The following GNG4 variants were observed in gnomAD, a reference collection of about 807,000 sequenced individuals.
GNG4 encodes guanine nucleotide-binding protein G(I)/G(S)/G(O) subunit gamma-4.
A neutral mutation model predicts 5.8 loss-of-function variants in GNG4; 4 were observed. The observed-to-expected ratio is 0.69, with a 90% CI of 0.34 to 1.57. The LOEUF (loss-of-function observed/expected upper bound fraction) is 1.57. GNG4 is among the 40% of genes most tolerant of loss of function. GNG4 has a pLI of 0.06. For missense variants in GNG4, 96 were observed against 95.1 expected (o/e 1.01, Z -0.04); for synonymous variants, 29 against 32.9 (o/e 0.88, Z 0.41).
chr1:235,630,728 A>T (rs918774772), intron 1 of GNG4, among the ~76,000 whole-genome samples: 2 of 152,148 alleles, frequency 1.3e-5, no homozygotes, highest in African/African-American at 4.8e-5. Flanking sequence ...TGGAAGAGGA[A>T]CTCTGAAATA....
rs191663763 is a variant in GNG4 at position 235,570,377 on chromosome 1, C to T, written c.99+13363G>A. On this transcript the variant is annotated intron_variant, in intron 3 of 3. Transcript: ENST00000391854. ...AGCTTTTCCACCTCCCTTTCCAACTCGTTAGTTTCACCTCTTCTTTTTTTT... is the reference window on the plus strand; with the variant it reads ...AGCTTTTCCACCTCCCTTTCCAACTTGTTAGTTTCACCTCTTCTTTTTTTT... Among the ~76,000 whole-genome samples, 1,051 of 147,736 alleles carry T rather than the reference C, an allele frequency of 7.1e-3. 14 individuals are homozygous for T. The highest frequency in any genetic ancestry group is 0.025 in the African/African-American group (991 of 40,012).
rs1687865920 is a variant in GNG4, at chr1:235,588,001, G to A, written c.-10-4153C>T. On this transcript the variant is annotated intron_variant, in intron 2 of 3. Transcript: ENST00000391854. The stretch of plus-strand genomic sequence containing the variant: ...GGAACAGCTAACGTTACCGGGGAAA[G>A]CAGCAGAGCCGACTCTCAGTCCCGT... Among the ~76,000 whole-genome samples, 3 of 151,892 alleles carry A rather than the reference G, an allele frequency of 2.0e-5. No homozygotes were observed. The South Asian group carries it at 6.2e-4, about 31-fold the overall frequency.
rs1686733895 is a variant in GNG4, at chr1:235,551,122, G to A, written c.*987C>T. On this transcript the variant is annotated 3_prime_UTR_variant, in exon 4 of 4. Coordinates refer to ENST00000391854, the MANE Select transcript of GNG4 (RefSeq NM_001098722.2). ...GTCTGCCACAGCGCGTCAACGGTAT[G>A]GGGTACTTTTACAGTCAAGTTGACT... is the stretch of plus-strand genomic sequence containing the variant. 6.6e-6 allele frequency: 1 copy of A among 152,284 alleles called. No individual in the cohort carries two copies. The highest frequency in any genetic ancestry group is 2.4e-5 in the African/African-American group (1 of 41,434). The allele number at this position is 152,284 out of a possible 1,614,324, so 9.4% of individuals were successfully genotyped here.
At chr1:235,586,936 T>C (rs1011087999) in intron 2 of GNG4, among the ~76,000 whole-genome samples, 2 of 152,154 alleles carry the variant, frequency 1.3e-5, no homozygotes, top group Admixed American at 6.5e-5. Flanking sequence ...CTTCAAATCT[T>C]GATCCTGCTC....
chr1:235,577,326 G>A (rs1687509628), intron 3 of GNG4, among the ~76,000 whole-genome samples: 1 of 152,186 alleles, frequency 6.6e-6, no homozygotes, highest in Non-Finnish European at 1.5e-5. Flanking sequence ...CCCTCCAGCT[G>A]GTTCCCATGC....
intron 3 of GNG4, among the ~76,000 whole-genome samples, chr1:235,571,228 A>C (rs1240397248): frequency 6.6e-6 from 1 of 152,258 alleles, no homozygotes; most frequent in Admixed American, 6.5e-5. Flanking sequence ...ATGTTAAAAT[A>C]ACGAGGCGTC....
intron 1 of GNG4, among the ~76,000 whole-genome samples, chr1:235,643,836 C>G (rs1393811908): frequency 6.6e-6 from 1 of 152,222 alleles, no homozygotes; most frequent in Non-Finnish European, 1.5e-5. Context: ...CAGCAATTGG[C>G]TTCTTTCAGA....
At chr1:235,573,646 G>A (rs754874651) in intron 3 of GNG4, among the ~76,000 whole-genome samples, 18 of 151,914 alleles carry the variant, frequency 1.2e-4, no homozygotes, top group East Asian at 9.7e-4. Context: ...GTGTGGTGGC[G>A]GGCGCCTGTA....
intron 1 of GNG4, among the ~76,000 whole-genome samples, chr1:235,630,604 T>C (rs1688912020): frequency 6.6e-6 from 1 of 152,134 alleles, no homozygotes; most frequent in Non-Finnish European, 1.5e-5. Flanking sequence ...CATACGCAAG[T>C]CCTGTCTGAT....
intron 3 of GNG4, among the ~76,000 whole-genome samples, chr1:235,554,870 C>T (rs960667853): frequency 6.8e-6 from 1 of 146,674 alleles, no homozygotes; most frequent in African/African-American, 2.5e-5. Context: ...AAAAAAAGAA[C>T]GTCTCGTCTG....
chr1:235,582,928 T>C (rs1029660431), intron 3 of GNG4, among the ~76,000 whole-genome samples: 4 of 152,076 alleles, frequency 2.6e-5, no homozygotes, highest in African/African-American at 7.2e-5. Context: ...TACACTAGCA[T>C]GAGGGGAGGG....
At chr1:235,620,576 C>T (rs1688688876) in intron 1 of GNG4, among the ~76,000 whole-genome samples, 2 of 152,226 alleles carry the variant, frequency 1.3e-5, no homozygotes, top group South Asian at 2.1e-4. Flanking sequence ...CGCTCTATTG[C>T]CCAGACTGGA....
intron 2 of GNG4, among the ~76,000 whole-genome samples, chr1:235,593,317 G>A (rs560567401): frequency 6.6e-6 from 1 of 152,310 alleles, no homozygotes; most frequent in African/African-American, 2.4e-5. Flanking sequence ...TTGGGGCTGG[G>A]AGACCAATGC....
chr1:235,649,849 C>T (rs1657623481), upstream of GNG4: 1 of 149,618 alleles, frequency 6.7e-6, no homozygotes, highest in African/African-American at 2.4e-5. This position sits in a 1 kb window ranked among gnomAD's most constrained non-coding sequence, Gnocchi z 5.7. Context: ...GCGCCTCCCG[C>T]CCTGCAGGGC....
chr1:235,603,028 A>G (rs1688287975), intron 1 of GNG4, among the ~76,000 whole-genome samples: 1 of 152,126 alleles, frequency 6.6e-6, no homozygotes, highest in Non-Finnish European at 1.5e-5. Context: ...AAATCAGTTG[A>G]AGTCAGGAGT....
chr1:235,555,890 T>C (rs939481129), intron 3 of GNG4, among the ~76,000 whole-genome samples: 1 of 152,052 alleles, frequency 6.6e-6, no homozygotes, highest in Non-Finnish European at 1.5e-5. Context: ...TCTTTTGAGA[T>C]GGAGTCTCAC....
chr1:235,645,663 G>A (rs1199457237), intron 1 of GNG4, among the ~76,000 whole-genome samples: 11 of 151,980 alleles, frequency 7.2e-5, no homozygotes, highest in Non-Finnish European at 1.2e-4. Flanking sequence ...CGGGCGCGGT[G>A]GCACATGCCT....
intron 3 of GNG4, among the ~76,000 whole-genome samples, chr1:235,571,461 G>A (rs942981772): frequency 6.6e-6 from 1 of 152,138 alleles, no homozygotes; most frequent in African/African-American, 2.4e-5. Context: ...TCAGAACAAC[G>A]CGTATTAAGC....
At chr1:235,606,207 C>A (rs868425899) in intron 1 of GNG4, among the ~76,000 whole-genome samples, 1 of 151,924 alleles carries the variant, frequency 6.6e-6, no homozygotes, top group African/African-American at 2.4e-5. Flanking sequence ...TAGTGAAACC[C>A]CATCTCTATT....
Sources: allele counts gnomAD v4.1 joint callset (sites outside exome capture counted in the v4.1 genomes callset), GRCh38; gene constraint gnomAD v4.1.1; non-coding constraint Gnocchi (gnomAD v3.1); transcripts MANE v1.5; gene names NCBI Gene and HGNC (gene_info 2026-07-23, HGNC 2026-07-21).